ZNF385D: variants seen among roughly 807,000 people sequenced by gnomAD.
ZNF385D encodes zinc finger protein 659.
In ZNF385D, 15 loss-of-function variants were observed where a neutral mutation model predicts 35.8. The observed-to-expected ratio is 0.42, with a 90% confidence interval of 0.28 to 0.64. The LOEUF is 0.64. Ranked by LOEUF, ZNF385D falls within the 30% of genes least tolerant of loss-of-function variation. The pLI, the probability that ZNF385D is intolerant of heterozygous loss-of-function variation, is 0.23. For synonymous variants in ZNF385D, 212 were observed against 186.8 expected (o/e 1.13, Z -1.10); for missense variants, 474 against 494.6 (o/e 0.96, Z 0.39).
chr3:21,690,197 TTG>T (rs1409480675), intron 1 of ZNF385D, among the ~76,000 whole-genome samples: 6 of 152,174 alleles, frequency 3.9e-5, no homozygotes, highest in African/African-American at 7.2e-5. Flanking sequence ...TGTGTTGTGT[TTG>T]TGTGTGTGCA....
At chr3:21,460,376 A>G (rs982643697) in intron 4 of ZNF385D, among the ~76,000 whole-genome samples, 1 of 152,226 alleles carries the variant, frequency 6.6e-6, no homozygotes, top group African/African-American at 2.4e-5. Flanking sequence ...CAAAAATAAT[A>G]TAAAGACCCA....
intron 2 of ZNF385D, among the ~76,000 whole-genome samples, chr3:22,278,635 G>C (rs892203606): frequency 6.6e-6 from 1 of 152,076 alleles, no homozygotes; most frequent in Non-Finnish European, 1.5e-5. Flanking sequence ...TAGGGTCAAA[G>C]GCTGGAAAAT....
At chr3:21,544,859 A>C (rs2062316359) in intron 3 of ZNF385D, among the ~76,000 whole-genome samples, 1 of 152,178 alleles carries the variant, frequency 6.6e-6, no homozygotes, top group Admixed American at 6.5e-5. Context: ...CTTCAGTTTC[A>C]AAATTGTCTT....
chr3:21,444,317 C>A (rs947140378), intron 4 of ZNF385D, among the ~76,000 whole-genome samples: 2 of 149,874 alleles, frequency 1.3e-5, no homozygotes, highest in Admixed American at 1.3e-4. Flanking sequence ...CCTGACCTGA[C>A]GATCTGCCCA....
Position 21,834,522 on chromosome 3 carries a change from T to A in ZNF385D, c.326-169494A>T, listed in dbSNP as rs143687685. Among the ~76,000 whole-genome samples the A allele has an allele frequency of 4.0e-3, 612 of 152,302 alleles. 7 individuals carry two copies. Among genetic ancestry groups the A allele is most frequent in the African/African-American group, 0.014 (582 of 41,574 alleles). ...TAAAGGTGGCAGTTAGGACTGCAGA[T>A]TAGAGACATGGTTATCATTGACCTG... On this transcript the variant is annotated intron_variant, in intron 3 of 5. Transcript: ENST00000494108.
At chr3:22,150,189 T>A (rs1185745347) in intron 3 of ZNF385D, among the ~76,000 whole-genome samples, 1 of 152,084 alleles carries the variant, frequency 6.6e-6, no homozygotes, top group Non-Finnish European at 1.5e-5. Flanking sequence ...GGAAAATAAG[T>A]CTTAGTTTAG....
chr3:22,028,438 T>C (rs1697704783), intron 3 of ZNF385D, among the ~76,000 whole-genome samples: 1 of 152,182 alleles, frequency 6.6e-6, no homozygotes, highest in African/African-American at 2.4e-5. Flanking sequence ...TGGCCACTGC[T>C]GGATGCCCGA....
At chr3:21,727,914 C>T (rs1034086731) in intron 1 of ZNF385D, among the ~76,000 whole-genome samples, 67 of 152,074 alleles carry the variant, frequency 4.4e-4, no homozygotes, top group Non-Finnish European at 2.8e-4. Context: ...GGAACCAACC[C>T]AAATGTCCAT....
At chr3:21,490,227 G>A (rs1194021594) in intron 4 of ZNF385D, among the ~76,000 whole-genome samples, 1 of 152,030 alleles carries the variant, frequency 6.6e-6, no homozygotes, top group East Asian at 1.9e-4. Flanking sequence ...TTGCAGTGGT[G>A]CAATCATAGC....
intron 2 of ZNF385D, among the ~76,000 whole-genome samples, chr3:22,199,429 T>C (rs1158490382): frequency 1.3e-5 from 2 of 152,240 alleles, no homozygotes; most frequent in African/African-American, 2.4e-5. Flanking sequence ...AGGGAGTGTT[T>C]GCCCCTGCAA....
chr3:22,064,655 A>T (rs1161810924), intron 3 of ZNF385D, among the ~76,000 whole-genome samples: 3 of 152,188 alleles, frequency 2.0e-5, no homozygotes, highest in Non-Finnish European at 4.4e-5. Context: ...ATGAACCTGG[A>T]GGACCTTACG....
chr3:22,345,686 G>T (rs116595598), intron 2 of ZNF385D, among the ~76,000 whole-genome samples: 17 of 152,286 alleles, frequency 1.1e-4, no homozygotes, highest in Middle Eastern at 3.4e-3. Context: ...GTGAAACCCA[G>T]ATGCCCCCCT....
intron 3 of ZNF385D, among the ~76,000 whole-genome samples, chr3:21,844,222 CAA>C (rs1695858037): frequency 6.6e-6 from 1 of 151,894 alleles, no homozygotes; most frequent in African/African-American, 2.4e-5. Context: ...AAATTCGTGC[CAA>C]GAGAGGAGGG....
chr3:22,100,074 A>G (rs1041545794), intron 3 of ZNF385D, among the ~76,000 whole-genome samples: 1 of 151,204 alleles, frequency 6.6e-6, no homozygotes, highest in African/African-American at 2.4e-5. Flanking sequence ...CAAAAAACAC[A>G]TGAAAAAATG....
At chr3:21,855,307 C>G (rs1290375522) in intron 3 of ZNF385D, among the ~76,000 whole-genome samples, 1 of 151,994 alleles carries the variant, frequency 6.6e-6, no homozygotes, top group Non-Finnish European at 1.5e-5. Flanking sequence ...ATTGCTTACT[C>G]AAGCTGATAT....
intron 2 of ZNF385D, among the ~76,000 whole-genome samples, chr3:21,603,054 C>T (rs1315890641): frequency 6.6e-6 from 1 of 152,188 alleles, no homozygotes. Context: ...CCCAAACTTA[C>T]TATCATTCAG....
chr3:22,189,065 A>C (rs546383416), intron 2 of ZNF385D, among the ~76,000 whole-genome samples: 2 of 152,066 alleles, frequency 1.3e-5, no homozygotes, highest in Non-Finnish European at 2.9e-5. Flanking sequence ...TTAGGTGTAC[A>C]ATCCATTCCT....
chr3:21,423,830 AT>A (rs1700858155), intron 7 of ZNF385D, 132 bp downstream of exon 7: 1 of 757,614 alleles, frequency 1.3e-6, no homozygotes, highest in African/African-American at 1.9e-5. Flanking sequence ...ATGATCTATG[AT>A]AAATCTGAAC....
At chr3:21,825,133 C>T (rs1694516225) in intron 3 of ZNF385D, among the ~76,000 whole-genome samples, 1 of 152,124 alleles carries the variant, frequency 6.6e-6, no homozygotes, top group African/African-American at 2.4e-5. Flanking sequence ...ATATTTTTCT[C>T]ACGCCAATAT....
Sources: allele counts gnomAD v4.1 joint callset (sites outside exome capture counted in the v4.1 genomes callset), GRCh38; gene constraint gnomAD v4.1.1; transcripts MANE v1.5; gene names NCBI Gene and HGNC (gene_info 2026-07-23, HGNC 2026-07-21).